The following ATP1A4 variants were observed in gnomAD, a reference collection of about 807,000 sequenced individuals.
ATP1A4 encodes the protein ATPase Na+/K+ transporting subunit alpha 4, also known as sodium/potassium-transporting ATPase subunit alpha-4.
In ATP1A4, 90 loss-of-function variants were observed where a neutral mutation model predicts 114.3. The ratio of observed to expected loss-of-function variants is 0.79; its 90% CI spans 0.66 to 0.94. The LOEUF (loss-of-function observed/expected upper bound fraction) is 0.94. ATP1A4 is among the 40% of genes least tolerant of loss of function. ATP1A4 has a pLI of 0.00. For synonymous variants in ATP1A4, 511 were observed against 494.1 expected, an observed-to-expected ratio of 1.03 and a Z score of -0.45; for missense variants, 1,222 against 1,313.6, an observed-to-expected ratio of 0.93 and a Z score of 1.08.
intron 20 of ATP1A4, among the ~76,000 whole-genome samples, chr1:160,184,913 A>G (rs890150290): frequency 3.3e-5 from 5 of 152,168 alleles, no homozygotes; most frequent in African/African-American, 9.7e-5. Flanking sequence ...ATATTCGCCG[A>G]CAAAGTATCC....
At position 160,162,585 on chromosome 1, in the gene ATP1A4, C is replaced by T. The variant is rs79010773; in HGVS notation, c.779-1571C>T. ...TTGTTGTGCGGGACAGGAGAGCTGT[C>T]TTGTGCGTGGCAGGATGTTTAACAG... On this transcript the variant is annotated intron_variant, in intron 6 of 21. Coordinates refer to ENST00000368081, the MANE Select transcript of ATP1A4 (RefSeq NM_144699.4). Among the ~76,000 whole-genome samples the T allele has an allele frequency of 6.3e-3, 961 of 152,308 alleles. 24 individuals carry two copies. In the East Asian group the frequency reaches 0.091, roughly 14 times the overall value.
intron 1 of ATP1A4, 99 bp downstream of exon 1, chr1:160,152,286 G>A: frequency 7.5e-7 from 1 of 1,329,530 alleles, no homozygotes; most frequent in South Asian, 1.5e-5. Context: ...ACAGGCCAGA[G>A]CCACATCTCT....
chr1:160,177,417 C>A (rs1274611493), intron 17 of ATP1A4, 102 bp from the exon 18 acceptor site: 3 of 1,292,148 alleles, frequency 2.3e-6, no homozygotes, highest in South Asian at 2.7e-5. Flanking sequence ...CACACACCAG[C>A]CCAGCCAGAA....
Position 160,158,928 on chromosome 1 carries a change from A to G in ATP1A4, c.526-74A>G, listed in dbSNP as rs142290612. ...AGTAAGGAGGAGGGAGACCAATAAC[A>G]GAAGGTTTTAGGCTAAGAGTGGGAT... On this transcript the variant is annotated intron_variant, in intron 4 of 21. Coordinates refer to ENST00000368081, the MANE Select transcript of ATP1A4 (RefSeq NM_144699.4). 1,293 of 1,508,628 alleles carry G rather than the reference A, an allele frequency of 8.6e-4. 1 individual carries two copies. Among genetic ancestry groups the G allele is most frequent in the Middle Eastern group, 2.8e-3 (16 of 5,662 alleles). The allele number at this position is 1,508,628 out of a possible 1,614,324, so 93.5% of individuals were successfully genotyped here.
chr1:160,179,502 C>T (rs1653604230), intron 18 of ATP1A4, among the ~76,000 whole-genome samples: 1 of 152,232 alleles, frequency 6.6e-6, no homozygotes, highest in South Asian at 2.1e-4. Flanking sequence ...CCCTGAGCAA[C>T]AAACTCTACA....
In ATP1A4 at chr1:160,171,369, T is replaced by C. The variant is rs1653248304; in HGVS notation, c.1610T>C (p.Met537Thr). Residue 537 changes from methionine (M) to threonine (T), a missense_variant, in exon 11 of 22, where the codon ATG (methionine) becomes ACG (threonine). Coordinates refer to ENST00000368081, the MANE Select transcript of ATP1A4 (RefSeq NM_144699.4). ...TFLLNGQEYS[M>T]NDEMKEAFQN... ...CTTCTGAATGGGCAGGAGTACTCAA[T>C]GAACGATGAAATGAAGGAAGCCTTC... 6.2e-7 allele frequency: 1 copy of C among 1,613,980 alleles called. No homozygotes were observed. The highest frequency in any genetic ancestry group is 8.5e-7 in the Non-Finnish European group (1 of 1,180,022).
chr1:160,155,773 C>T (rs551389477), intron 3 of ATP1A4, among the ~76,000 whole-genome samples: 39 of 152,154 alleles, frequency 2.6e-4, no homozygotes, highest in Non-Finnish European at 5.1e-4. Context: ...CAATCCACCC[C>T]CTCCATCCAG....
chr1:160,166,807 G>A (rs1429837487), intron 8 of ATP1A4, 81 bp downstream of exon 8: 2 of 1,581,014 alleles, frequency 1.3e-6, no homozygotes, highest in South Asian at 1.1e-5. Context: ...GGTGAGTCCA[G>A]ACAGACAGGA....
chr1:160,181,662 C>T (rs748039615), intron 18 of ATP1A4, 22 bp from the exon 19 acceptor site: 15 of 1,613,570 alleles, frequency 9.3e-6, no homozygotes, highest in Non-Finnish European at 1.3e-5. Context: ...GACACTGTTT[C>T]CTCTCTCCCT....
intron 20 of ATP1A4, among the ~76,000 whole-genome samples, chr1:160,182,444 A>G (rs967675549): frequency 6.6e-6 from 1 of 152,144 alleles, no homozygotes; most frequent in Non-Finnish European, 1.5e-5. Context: ...GTGCCTACTG[A>G]AATTCTTATT....
intron 10 of ATP1A4, among the ~76,000 whole-genome samples, chr1:160,168,443 C>T (rs766646884): frequency 3.1e-5 from 4 of 127,460 alleles, no homozygotes; most frequent in Non-Finnish European, 4.7e-5. Context: ...AGTGCAATGG[C>T]GCAATCTTGG....
Position 160,176,093 on chromosome 1 carries a change from C to T in ATP1A4, c.2313C>T (p.Gly771=). 1.2e-6 allele frequency: 2 copies of T among 1,614,116 alleles called. No individual in the cohort carries two copies. Among genetic ancestry groups the T allele is most frequent in the South Asian group, 2.2e-5 (2 of 91,078 alleles). The change falls in exon 16 of 22, where the codon GGC becomes GGT. Residue 771 remains glycine (G), a splice_region_variant and synonymous_variant. Coordinates refer to ENST00000368081, the MANE Select transcript of ATP1A4 (RefSeq NM_144699.4). ...FASIVTGVEE[G]RLIFDNLKKS... is the part of the protein sequence containing the mutation. Reference sequence around the variant, plus strand: ...CAGGAGGTTGACCTTCCTCCCCAGGCCGCCTGATCTTTGACAACCTGAAGA... The same window carrying T: ...CAGGAGGTTGACCTTCCTCCCCAGGTCGCCTGATCTTTGACAACCTGAAGA...
chr1:160,169,833 C>A (rs1033670180), intron 10 of ATP1A4: 1 of 152,250 alleles, frequency 6.6e-6, no homozygotes, highest in African/African-American at 2.4e-5. Context: ...TTCCCTCCCC[C>A]ACCACAGCCA....
At position 160,171,340 on chromosome 1, in the gene ATP1A4, C is replaced by A. The variant is rs1653247292; in HGVS notation, c.1581C>A (p.Thr527=). Residue 527 remains threonine, a synonymous_variant, in exon 11 of 22, where the codon ACC becomes ACA. Coordinates refer to ENST00000368081, the MANE Select transcript of ATP1A4 (RefSeq NM_144699.4). ...APERILEFCS[T]FLLNGQEYSM... is the part of the protein sequence containing the mutation. ...AGAGGATCTTGGAGTTTTGTTCTAC[C>A]TTTCTTCTGAATGGGCAGGAGTACT... 6.2e-7 allele frequency: 1 copy of A among 1,613,974 alleles called. No individual in the cohort carries two copies. The highest frequency in any genetic ancestry group is 2.2e-5 in the East Asian group (1 of 44,896).
At chr1:160,160,497 G>A (rs1652832128) in intron 6 of ATP1A4, among the ~76,000 whole-genome samples, 3 of 152,120 alleles carry the variant, frequency 2.0e-5, no homozygotes, top group South Asian at 4.1e-4. Context: ...GATTACAGAC[G>A]TGAGCCACCA....
chr1:160,177,658 G>T lies in ATP1A4; in HGVS notation c.2730G>T (p.Gln910His). 1 of 1,614,216 alleles carries T rather than the reference G, an allele frequency of 6.2e-7. No homozygotes were observed. Among genetic ancestry groups the T allele is most frequent in the Non-Finnish European group, 8.5e-7 (1 of 1,180,036 alleles). The change falls in exon 18 of 22, where the codon CAG becomes CAT. Residue 910 changes from glutamine (Q) to histidine (H), a missense_variant. Physicochemically the swap from Gln to His is conservative, Grantham distance 24. Transcript: ENST00000368081. ...YLNDLEDSYGQQWTYEQRKVV... is the reference protein window; with the variant it reads ...YLNDLEDSYGHQWTYEQRKVV... ...ATGACCTGGAGGACAGCTACGGACA[G>T]CAGTGGGTGAGTAGAAGGGATAAGG...
intron 8 of ATP1A4, 71 bp downstream of exon 8, chr1:160,166,797 G>T: frequency 1.3e-6 from 2 of 1,594,858 alleles, no homozygotes; most frequent in Admixed American, 3.4e-5. Flanking sequence ...GAGAGAGAAT[G>T]GTGAGTCCAG....
chr1:160,167,409 C>T lies in ATP1A4; in HGVS notation c.1488C>T (p.Tyr496=). ...TTCCCTTTAATTCTACCAACAAGTA[C>T]CAGGTACAGAACCCACAAAGGTAGG... ...AEIPFNSTNK[Y]QMSIHLREDS... The change falls in exon 10 of 22, where the codon TAC becomes TAT. Residue 496 remains tyrosine, a synonymous_variant. Coordinates refer to ENST00000368081, the MANE Select transcript of ATP1A4 (RefSeq NM_144699.4). The T allele has an allele frequency of 6.2e-7, 1 of 1,612,204 alleles. No homozygotes were observed. Among genetic ancestry groups the T allele is most frequent in the African/African-American group, 1.3e-5 (1 of 74,868 alleles).
rs1370993090 is a variant in ATP1A4, at chr1:160,176,151, C to T, written c.2371C>T (p.Pro791Ser). ...CATGTACACCCTGACCAGCAACATC[C>T]CCGAGATCACGCCCTTCCTGATGTT... ...SIMYTLTSNI[P>S]EITPFLMFII... Residue 791 changes from proline to serine, a missense_variant, in exon 16 of 22, where the codon CCC becomes TCC. Pro to Ser is a moderately conservative substitution (Grantham distance 74). Coordinates refer to ENST00000368081, the MANE Select transcript of ATP1A4 (RefSeq NM_144699.4). The T allele has an allele frequency of 1.9e-6, 3 of 1,613,974 alleles. No homozygotes were observed. Among genetic ancestry groups the T allele is most frequent in the Non-Finnish European group, 2.5e-6 (3 of 1,180,010 alleles).
Sources: allele counts gnomAD v4.1 joint callset (sites outside exome capture counted in the v4.1 genomes callset), GRCh38; gene constraint gnomAD v4.1.1; transcripts MANE v1.5; gene names NCBI Gene and HGNC (gene_info 2026-07-23, HGNC 2026-07-21).